Variants in EYA3 observed in about 807,000 individuals in gnomAD.
EYA3 encodes protein phosphatase EYA3.
EYA3 carries 39 observed loss-of-function variants against 80.0 expected under a neutral mutation model. The observed-to-expected ratio is 0.49, with a 90% CI of 0.38 to 0.64. The LOEUF is 0.64. EYA3 is among the 30% of genes least tolerant of loss of function. EYA3 has a pLI of 0.00. For synonymous variants in EYA3, 206 were observed against 232.8 expected (o/e 0.88, Z 1.05); for missense variants, 523 against 676.1 (o/e 0.77, Z 2.51).
intron 1 of EYA3, among the ~76,000 whole-genome samples, chr1:28,064,288 G>T (rs945393798): frequency 2.0e-5 from 3 of 151,940 alleles, no homozygotes; most frequent in Non-Finnish European, 4.4e-5. Context: ...TATGACTCAT[G>T]TGACAGATGT....
intron 7 of EYA3, among the ~76,000 whole-genome samples, chr1:28,020,536 T>C (rs956029083): frequency 6.6e-6 from 1 of 152,030 alleles, no homozygotes; most frequent in East Asian, 1.9e-4. Context: ...ATTAAGTAAT[T>C]TTTTTAGGCT....
At chr1:28,082,850 A>C (rs1645479904) in intron 1 of EYA3, among the ~76,000 whole-genome samples, 1 of 152,178 alleles carries the variant, frequency 6.6e-6, no homozygotes, top group African/African-American at 2.4e-5. Context: ...AACTTCCATA[A>C]GATAATTTTT....
chr1:28,058,634 AAAAT>A (rs1644511459), intron 1 of EYA3, among the ~76,000 whole-genome samples: 1 of 152,214 alleles, frequency 6.6e-6, no homozygotes, highest in African/African-American at 2.4e-5. Flanking sequence ...CTCAATAATA[AAAAT>A]AAATAAGTAG....
At chr1:28,063,550 G>T (rs1486833691) in intron 1 of EYA3, among the ~76,000 whole-genome samples, 3 of 151,804 alleles carry the variant, frequency 2.0e-5, no homozygotes, top group Non-Finnish European at 4.4e-5. Context: ...GTTTTGCCAT[G>T]TTGGCCAGGA....
intron 8 of EYA3, among the ~76,000 whole-genome samples, chr1:28,014,928 T>C (rs1641946876): frequency 1.3e-5 from 2 of 152,168 alleles, no homozygotes; most frequent in South Asian, 4.1e-4. Context: ...CTGATAATGA[T>C]GGCAAGTAGG....
At chr1:27,990,546 G>A (rs994226407) in intron 14 of EYA3, 1 of 143,850 alleles carries the variant, frequency 7.0e-6, no homozygotes, top group Non-Finnish European at 1.5e-5. Context: ...GATAAGACCA[G>A]TTGTCCTTTT....
chr1:27,983,779 C>A (rs560396374), intron 16 of EYA3, among the ~76,000 whole-genome samples: 2 of 152,222 alleles, frequency 1.3e-5, no homozygotes, highest in East Asian at 3.9e-4. Context: ...CCTCAGTCTC[C>A]CCAGTAGCTA....
Position 28,042,576 on chromosome 1 carries a change from T to A in EYA3, c.152A>T (p.Glu51Val). Reference sequence around the variant, plus strand: ...GCACAGAATATGGTACTTACTTTCCTCTGACATGGGAAGGTTTGAAGCAAG... The same window carrying A: ...GCACAGAATATGGTACTTACTTTCCACTGACATGGGAAGGTTTGAAGCAAG... ...SSLASNLPMS[E>V]EIMTCTDYIP... The change falls in exon 4 of 18, where the codon GAG becomes GTG. Residue 51 changes from glutamate (E) to valine (V), a missense_variant. Glu to Val is a moderately radical substitution (Grantham distance 121). This residue lies in a region of EYA3 where 304 missense variants were observed against 343.3 expected (regional missense o/e 0.89). Transcript: ENST00000373871. The A allele has an allele frequency of 6.2e-7, 1 of 1,613,426 alleles. No individual in the cohort carries two copies. Among genetic ancestry groups the A allele is most frequent in the Non-Finnish European group, 8.5e-7 (1 of 1,179,322 alleles).
chr1:28,042,174 C>T (rs1643820420), intron 4 of EYA3, among the ~76,000 whole-genome samples: 1 of 152,142 alleles, frequency 6.6e-6, no homozygotes, highest in South Asian at 2.1e-4. Context: ...AGAATAGAAT[C>T]ACCTTTGAGG....
At chr1:27,988,430 T>A in intron 16 of EYA3, 105 bp downstream of exon 16, 1 of 1,272,952 alleles carries the variant, frequency 7.9e-7, no homozygotes, top group Non-Finnish European at 1.1e-6. Context: ...ACTGTAGGTA[T>A]TACAAATAAA....
At position 28,013,002 on chromosome 1, in the gene EYA3, G is replaced by A; in HGVS notation, c.769+109C>T. On this transcript the variant is annotated intron_variant, in intron 9 of 17. Transcript: ENST00000373871. The surrounding 1 kb of genome is among the most constrained non-coding windows in gnomAD (Gnocchi z 4.0). ...CCTCACCTCAGAGGGAAAGCCAAAA[G>A]CATGGTAACAATGACTTAAGACAGA... is the stretch of plus-strand genomic sequence containing the variant. 1 of 1,219,094 alleles carries A rather than the reference G, an allele frequency of 8.2e-7. No individual in the cohort carries two copies. The highest frequency in any genetic ancestry group is 1.2e-6 in the Non-Finnish European group (1 of 869,378). The allele number at this position is 1,219,094 out of a possible 1,614,324, so 75.5% of individuals were successfully genotyped here.
chr1:28,025,250 C>T (rs1642705628), intron 7 of EYA3, among the ~76,000 whole-genome samples: 1 of 152,162 alleles, frequency 6.6e-6, no homozygotes. Context: ...TAATGGTTAA[C>T]TTCTGCCTTA....
At chr1:27,982,726 C>G (rs909204279) in intron 16 of EYA3, among the ~76,000 whole-genome samples, 2 of 152,080 alleles carry the variant, frequency 1.3e-5, no homozygotes, top group African/African-American at 4.8e-5. Context: ...GCTGGGATTA[C>G]AGGCGCACAC....
rs530858098 is a variant in EYA3 at position 28,014,658 on chromosome 1, A to G, written c.586-1364T>C. On this transcript the variant is annotated intron_variant, in intron 8 of 17. Transcript: ENST00000373871. ...CAGGAGAATCGCTTGAATCTGGGAGACAGAGGTTGCAGTGAGCTGAGATCA... is the reference window on the plus strand; with the variant it reads ...CAGGAGAATCGCTTGAATCTGGGAGGCAGAGGTTGCAGTGAGCTGAGATCA... Among the ~76,000 whole-genome samples, 18 of 151,564 alleles carry G rather than the reference A, an allele frequency of 1.2e-4. 1 individual carries two copies. The highest frequency in any genetic ancestry group is 8.4e-4 in the South Asian group (4 of 4,776).
intron 16 of EYA3, among the ~76,000 whole-genome samples, chr1:27,985,073 A>G (rs1384219535): frequency 7.5e-6 from 1 of 132,542 alleles, no homozygotes; most frequent in Non-Finnish European, 1.5e-5. Flanking sequence ...ACAATCTTCA[A>G]TTCAATTCTC....
chr1:28,042,530 T>C (rs775447924), intron 4 of EYA3, 41 bp downstream of exon 4: 1 of 1,541,888 alleles, frequency 6.5e-7, no homozygotes, highest in East Asian at 2.3e-5. Context: ...TTACTAGTTA[T>C]AGGAATATCT....
At chr1:28,049,536 A>G (rs1019272151) in intron 2 of EYA3, among the ~76,000 whole-genome samples, 12 of 152,238 alleles carry the variant, frequency 7.9e-5, no homozygotes, top group Non-Finnish European at 1.3e-4. Context: ...GCCATAAAGG[A>G]GAAAATAGAT....
At chr1:28,073,743 T>G (rs774066961) in intron 1 of EYA3, among the ~76,000 whole-genome samples, 2 of 152,088 alleles carry the variant, frequency 1.3e-5, no homozygotes, top group Non-Finnish European at 2.9e-5. Context: ...GCCCTCTGTA[T>G]CTCGATGTGG....
At chr1:28,071,789 AG>A (rs1384295000) in intron 1 of EYA3, among the ~76,000 whole-genome samples, 3 of 152,254 alleles carry the variant, frequency 2.0e-5, no homozygotes, top group Admixed American at 2.0e-4. Context: ...AGTTCATGTC[AG>A]TGTTGAATAT....
Sources: gnomAD v4.1 joint callset for allele counts (sites outside exome capture counted in the v4.1 genomes callset) on GRCh38, gnomAD v4.1.1 for gene constraint, gnomAD v4.1.1 regional missense constraint, Gnocchi (gnomAD v3.1) non-coding constraint, MANE v1.5 for transcripts, NCBI Gene and HGNC (gene_info 2026-07-23, HGNC 2026-07-21) for gene names.